ZNF814: variants seen among roughly 807,000 people sequenced by gnomAD.
ZNF814 encodes the protein zinc finger protein 814.
ZNF814 carries 5 observed loss-of-function variants against 7.5 expected under a neutral mutation model. That is an observed-to-expected ratio of 0.67 (90% CI 0.35 to 1.40). The LOEUF is 1.40. ZNF814 is among the 40% of genes most tolerant of loss of function. The pLI is 0.04. For synonymous variants in ZNF814, 315 were observed against 340.7 expected (o/e 0.92, Z 0.83); for missense variants, 962 against 1,018.0 (o/e 0.94, Z 0.75).
chr19:57,874,066 C>T lies in ZNF814; in HGVS notation c.1324G>A (p.Gly442Arg). The change falls in exon 3 of 3, where the codon GGG becomes AGG. Residue 442 changes from glycine to arginine, a missense_variant. This residue lies in a region of ZNF814 where 665 missense variants were observed against 551.4 expected (regional missense o/e 1.21). Coordinates refer to ENST00000435989, the MANE Select transcript of ZNF814 (RefSeq NM_001144989.2). ...TGTCCTTCTGAACTAAAAGATTTCC[C>T]ACATTCTTCACACCCATAAGGTTTT... is the stretch of plus-strand genomic sequence containing the variant. ...GEKPYGCEECGKSFSSEGHLR... is the reference protein window; with the variant it reads ...GEKPYGCEECRKSFSSEGHLR... 1 of 1,608,208 alleles carries T rather than the reference C, an allele frequency of 6.2e-7. No homozygotes were observed. Among genetic ancestry groups the T allele is most frequent in the Non-Finnish European group, 8.5e-7 (1 of 1,177,254 alleles).
In ZNF814 at chr19:57,870,987, AAGAAAAAAAAAG is replaced by A. The variant is rs2071552809; in HGVS notation, c.*1823_*1834del. On this transcript the variant is annotated 3_prime_UTR_variant, in exon 3 of 3. Transcript: ENST00000435989. The stretch of plus-strand genomic sequence containing the variant: ...AGGGTGAGGCTCTGCCTCAAAAAAA[AAGAAAAAAAAAG>A]AAAAAAAAGACATGAGTTGCAGTTA... The A allele has an allele frequency of 2.0e-5, 3 of 151,646 alleles. No individual in the cohort carries two copies. The highest frequency in any genetic ancestry group is 4.9e-5 in the African/African-American group (2 of 40,984). The allele number at this position is 151,646 out of a possible 1,614,324, so 9.4% of individuals were successfully genotyped here. A position where few individuals can be genotyped will look rare whatever the true frequency, so the allele number is the denominator to read the frequency against.
At chr19:57,903,201 T>A in the ZNF814 span, among the ~76,000 whole-genome samples, 9 of 152,212 alleles carry the variant, frequency 5.9e-5, no homozygotes, top group Non-Finnish European at 1.2e-4. Flanking sequence ...TCAAAAAGAT[T>A]TATAGTTGCT....
At chr19:57,875,965 T>C (rs1486585797) in intron 2 of ZNF814, among the ~76,000 whole-genome samples, 8 of 126,218 alleles carry the variant, frequency 6.3e-5, no homozygotes, top group East Asian at 4.4e-4. Context: ...TTTTTTTTTT[T>C]TTTTTTTTTT....
At chr19:57,876,260 G>A (rs1323989871) in intron 2 of ZNF814, among the ~76,000 whole-genome samples, 2 of 151,906 alleles carry the variant, frequency 1.3e-5, no homozygotes, top group Non-Finnish European at 2.9e-5. Context: ...CCAGCCCAGG[G>A]TGCCACTCTT....
intron 1 of ZNF814, among the ~76,000 whole-genome samples, chr19:57,886,871 C>A (rs112619379): frequency 6.7e-6 from 1 of 148,622 alleles, no homozygotes; most frequent in East Asian, 2.0e-4. Context: ...CAGACTGAGA[C>A]GCTGTCTCAG....
chr19:57,873,735 T>A lies in ZNF814; in HGVS notation c.1655A>T (p.Glu552Val), dbSNP rs764463196. ...TTTATGACTAAAAGATTTCCCACAC[T>A]CTCCACACTCATAAAGTCTGTCCCC... Reference protein sequence around the residue: ...HTGDRLYECGECGKSFSHKGT... With the variant: ...HTGDRLYECGVCGKSFSHKGT... The change falls in exon 3 of 3, where the codon GAG becomes GTG. Residue 552 changes from glutamate (E) to valine (V), a missense_variant. Glu to Val is a moderately radical substitution (Grantham distance 121). Transcript: ENST00000435989. The A allele has an allele frequency of 1.9e-6, 3 of 1,613,486 alleles. No individual in the cohort carries two copies. The highest frequency in any genetic ancestry group is 4.5e-5 in the East Asian group (2 of 44,806).
chr19:57,894,299 G>A, the ZNF814 span, among the ~76,000 whole-genome samples: 1 of 151,686 alleles, frequency 6.6e-6, no homozygotes, highest in Non-Finnish European at 1.5e-5. Context: ...CCAGGAGGTG[G>A]GGGTTGCAGG....
intron 1 of ZNF814, chr19:57,885,982 AAAAAAAC>A (rs1408649837): frequency 5.3e-5 from 8 of 150,256 alleles, no homozygotes; most frequent in East Asian, 1.9e-4. Context: ...TCTCAAAAAA[AAAAAAAC>A]AAAAAAACAA....
the ZNF814 span, among the ~76,000 whole-genome samples, chr19:57,895,436 T>C: frequency 6.6e-6 from 1 of 151,890 alleles, no homozygotes; most frequent in Non-Finnish European, 1.5e-5. Context: ...CCACCACACC[T>C]GGCTGATTTG....
upstream of ZNF814, among the ~76,000 whole-genome samples, chr19:57,893,786 G>C (rs181585057): frequency 6.6e-6 from 1 of 151,966 alleles, no homozygotes; most frequent in African/African-American, 2.4e-5. Context: ...CGGGTGTGGT[G>C]GTGCATGCAT....
chr19:57,883,882 G>A (rs1005864571), intron 1 of ZNF814, among the ~76,000 whole-genome samples: 3 of 151,668 alleles, frequency 2.0e-5, no homozygotes, highest in Non-Finnish European at 2.9e-5. Context: ...CTCAGCTTCC[G>A]AGTAGCTGTG....
At chr19:57,901,720 G>C in the ZNF814 span, 1 of 398,678 alleles carries the variant, frequency 2.5e-6, no homozygotes, top group Non-Finnish European at 4.4e-6. Flanking sequence ...GACAATCTGA[G>C]AGCACAGAAC....
In ZNF814 at chr19:57,873,996, T is replaced by C. The variant is rs2071581261; in HGVS notation, c.1394A>G (p.Lys465Arg). 4 of 1,613,856 alleles carry C rather than the reference T, an allele frequency of 2.5e-6. No individual in the cohort carries two copies. Among genetic ancestry groups the C allele is most frequent in the Non-Finnish European group, 3.4e-6 (4 of 1,179,978 alleles). ...GAAAGATTTCACACATTCTCCACAC[T>C]TGAAAGGTCTTTCTCCGGCGTGAAC... Reference protein sequence around the residue: ...QRVHAGERPFKCGECVKSFSH... With the variant: ...QRVHAGERPFRCGECVKSFSH... Residue 465 changes from lysine (K) to arginine (R), a missense_variant, in exon 3 of 3, where the codon AAG (lysine) becomes AGG (arginine). This residue lies in a region of ZNF814 where 665 missense variants were observed against 551.4 expected (regional missense o/e 1.21). Transcript: ENST00000435989.
At chr19:57,898,827 G>A in the ZNF814 span, among the ~76,000 whole-genome samples, 33 of 152,080 alleles carry the variant, frequency 2.2e-4, 1 homozygote, top group East Asian at 6.0e-3. Flanking sequence ...TGTAGTCCCA[G>A]CTGCTGGGGA....
At chr19:57,886,084 T>A (rs1022490025) in intron 1 of ZNF814, 18 of 150,656 alleles carry the variant, frequency 1.2e-4, no homozygotes, top group African/African-American at 4.4e-4. Flanking sequence ...TTTTTAAAAA[T>A]AAAAAATAAA....
chr19:57,887,691 A>G lies in ZNF814; in HGVS notation c.36+1076T>C, dbSNP rs571658518. On this transcript the variant is annotated intron_variant, in intron 1 of 2. Transcript: ENST00000435989. ...ACTCCTTACCCACCCCCCTTTCCTC[A>G]AGGAGTTAACTTGTGTAAGCAGATT... Among the ~76,000 whole-genome samples, 4 of 152,194 alleles carry G rather than the reference A, an allele frequency of 2.6e-5. No individual in the cohort carries two copies. In the South Asian group the frequency reaches 8.3e-4, roughly 32 times the overall value.
the ZNF814 span, among the ~76,000 whole-genome samples, chr19:57,897,468 G>A: frequency 1.3e-5 from 2 of 152,074 alleles, no homozygotes; most frequent in African/African-American, 2.4e-5. Flanking sequence ...GTATACCCCC[G>A]GTATAAGAAA....
At chr19:57,898,728 G>A in the ZNF814 span, among the ~76,000 whole-genome samples, 1 of 152,196 alleles carries the variant, frequency 6.6e-6, no homozygotes, top group African/African-American at 2.4e-5. Flanking sequence ...GGATGGCAAG[G>A]TCAAGAGATT....
At chr19:57,889,093 A>C, upstream of ZNF814, 1 of 495,482 alleles carries the variant, frequency 2.0e-6, no homozygotes, top group Non-Finnish European at 3.6e-6. Flanking sequence ...CACACAGGAA[A>C]CGCCTTTATT....
Sources: gnomAD v4.1 joint callset for allele counts (sites outside exome capture counted in the v4.1 genomes callset) on GRCh38, gnomAD v4.1.1 for gene constraint, gnomAD v4.1.1 regional missense constraint, MANE v1.5 for transcripts, NCBI Gene and HGNC (gene_info 2026-07-23, HGNC 2026-07-21) for gene names.